PRKCE: variants seen among roughly 807,000 people sequenced by gnomAD.
PRKCE encodes the protein protein kinase C epsilon, also known as protein kinase C epsilon type.
Under a neutral mutation model 85.4 loss-of-function variants are expected in PRKCE, and 16 were observed. The observed-to-expected ratio is 0.19, with a 90% confidence interval of 0.13 to 0.28. The LOEUF (loss-of-function observed/expected upper bound fraction) is 0.28. Ranked by LOEUF, PRKCE falls within the 10% of genes least tolerant of loss-of-function variation. The pLI is 1.00. For synonymous variants in PRKCE, 388 were observed against 371.5 expected, an observed-to-expected ratio of 1.04 and a Z score of -0.51; for missense variants, 573 against 975.2, an observed-to-expected ratio of 0.59 and a Z score of 5.49.
intron 11 of PRKCE, among the ~76,000 whole-genome samples, chr2:46,093,875 A>G (rs769163008): frequency 2.0e-5 from 3 of 152,154 alleles, no homozygotes; most frequent in Admixed American, 6.5e-5. Context: ...TTAAATGAAT[A>G]TATAGTATAC....
intron 1 of PRKCE, among the ~76,000 whole-genome samples, chr2:45,661,684 A>G (rs2103753554): frequency 6.8e-6 from 1 of 147,544 alleles, no homozygotes; most frequent in African/African-American, 2.5e-5. Context: ...GCCCGCCACC[A>G]CGCCCAGCTA....
intron 14 of PRKCE, among the ~76,000 whole-genome samples, chr2:46,163,713 A>C (rs6705420): frequency 0.8 from 102,723 of 127,862 alleles, 40,685 homozygotes; most frequent in East Asian, 0.96. Flanking sequence ...GCACACCCCA[A>C]AGAGGCCACT....
chr2:45,843,348 G>GCCTC (rs1165158894), intron 2 of PRKCE, among the ~76,000 whole-genome samples: 2 of 152,182 alleles, frequency 1.3e-5, no homozygotes, highest in African/African-American at 4.8e-5. Context: ...TGGCAGGGCA[G>GCCTC]CCTCTCCCAG....
intron 2 of PRKCE, among the ~76,000 whole-genome samples, chr2:45,846,642 A>G (rs2105515524): frequency 6.6e-6 from 1 of 152,342 alleles, no homozygotes; most frequent in South Asian, 2.1e-4. Flanking sequence ...TTCTTTCTGC[A>G]GCCACAGGCT....
At chr2:45,714,473 G>A (rs1163558230) in intron 1 of PRKCE, among the ~76,000 whole-genome samples, 1 of 152,218 alleles carries the variant, frequency 6.6e-6, no homozygotes, top group African/African-American at 2.4e-5. Context: ...ATGTGCTCAA[G>A]GTCAAAAAGC....
At chr2:45,891,233 C>T (rs369641671) in intron 2 of PRKCE, among the ~76,000 whole-genome samples, 1 of 152,170 alleles carries the variant, frequency 6.6e-6, no homozygotes, top group South Asian at 2.1e-4. Flanking sequence ...TTGATACGTA[C>T]CATTCTGTTT....
intron 1 of PRKCE, among the ~76,000 whole-genome samples, chr2:45,759,914 C>T (rs1302033583): frequency 6.6e-6 from 1 of 152,148 alleles, no homozygotes; most frequent in African/African-American, 2.4e-5. Flanking sequence ...CTTTGAGTTT[C>T]TAATGTGTAG....
intron 1 of PRKCE, among the ~76,000 whole-genome samples, chr2:45,752,096 C>T (rs1299307561): frequency 6.6e-6 from 1 of 151,958 alleles, no homozygotes; most frequent in Non-Finnish European, 1.5e-5. Flanking sequence ...GGATTACAGG[C>T]GTGAGCCACC....
At chr2:46,099,973 C>T (rs1023549474) in intron 11 of PRKCE, among the ~76,000 whole-genome samples, 1 of 152,156 alleles carries the variant, frequency 6.6e-6, no homozygotes, top group African/African-American at 2.4e-5. Flanking sequence ...GGGACTAGAA[C>T]TCTAATAAAG....
At chr2:45,731,191 A>G (rs923669373) in intron 1 of PRKCE, among the ~76,000 whole-genome samples, 1 of 152,158 alleles carries the variant, frequency 6.6e-6, no homozygotes, top group Non-Finnish European at 1.5e-5. Flanking sequence ...GAAGATGGTT[A>G]TTACAGCTAG....
chr2:45,746,093 G>T (rs1683114940), intron 1 of PRKCE, among the ~76,000 whole-genome samples: 1 of 152,176 alleles, frequency 6.6e-6, no homozygotes, highest in South Asian at 2.1e-4. Context: ...TGCTTTCCGA[G>T]ATGTTCCTTC....
chr2:46,056,899 T>G (rs1666632471), intron 10 of PRKCE, among the ~76,000 whole-genome samples: 2 of 152,236 alleles, frequency 1.3e-5, no homozygotes, highest in Admixed American at 1.3e-4. Context: ...TGGACCTGTT[T>G]GGATCACTAT....
intron 10 of PRKCE, among the ~76,000 whole-genome samples, chr2:46,075,346 T>G (rs976920301): frequency 1.3e-5 from 2 of 150,618 alleles, no homozygotes; most frequent in African/African-American, 4.9e-5. Context: ...CGCTCAAAAA[T>G]CTTATAAGAA....
rs2103650635 is a variant in PRKCE at position 45,895,418 on chromosome 2, C to G, written c.412+52355C>G. Among the ~76,000 whole-genome samples the G allele has an allele frequency of 6.6e-6, 1 of 152,272 alleles. No homozygotes were observed. The highest frequency in any genetic ancestry group is 1.9e-4 in the East Asian group (1 of 5,162). ...AATGAGGGGAGGCCTAACTGCCTCT[C>G]CGCACCCTGATGTCATCTGGCTGGT... On this transcript the variant is annotated intron_variant, in intron 2 of 14. Coordinates refer to ENST00000306156, the MANE Select transcript of PRKCE (RefSeq NM_005400.3). This position sits in a 1 kb window ranked among gnomAD's most constrained non-coding sequence, Gnocchi z 4.8.
At chr2:46,115,342 A>G (rs1195843895) in intron 11 of PRKCE, among the ~76,000 whole-genome samples, 1 of 152,246 alleles carries the variant, frequency 6.6e-6, no homozygotes, top group Non-Finnish European at 1.5e-5. Context: ...TGCTATTGGC[A>G]GGAGTCTAAA....
chr2:45,809,858 C>G lies in PRKCE; in HGVS notation c.349-33142C>G, dbSNP rs370390620. ...TCGCACTATTGCACTCCAGCCTGGGCAACAAGAGTGAGACTCCATCTCAAA... is the reference window on the plus strand; with the variant it reads ...TCGCACTATTGCACTCCAGCCTGGGGAACAAGAGTGAGACTCCATCTCAAA... On this transcript the variant is annotated intron_variant, in intron 1 of 14. Coordinates refer to ENST00000306156, the MANE Select transcript of PRKCE (RefSeq NM_005400.3). 5.5e-5 allele frequency among the ~76,000 whole-genome samples: 8 copies of G among 146,248 alleles called. No homozygotes were observed. The East Asian group carries it at 1.4e-3, about 26-fold the overall frequency.
chr2:45,761,522 A>C (rs1347759121), intron 1 of PRKCE, among the ~76,000 whole-genome samples: 1 of 152,128 alleles, frequency 6.6e-6, no homozygotes, highest in Admixed American at 6.5e-5. Context: ...CCATTTTATC[A>C]GAAAGAACGG....
intron 11 of PRKCE, among the ~76,000 whole-genome samples, chr2:46,108,291 C>T (rs1199795248): frequency 6.6e-6 from 1 of 152,136 alleles, no homozygotes; most frequent in Non-Finnish European, 1.5e-5. Context: ...ATATTTTCTC[C>T]CAGTCTGTGG....
At chr2:45,979,388 C>T (rs1369600623) in intron 4 of PRKCE, among the ~76,000 whole-genome samples, 3 of 152,194 alleles carry the variant, frequency 2.0e-5, no homozygotes, top group African/African-American at 7.2e-5. Context: ...CTGTCTCCCT[C>T]CCTGAAGAAG....
Sources: gnomAD v4.1 joint callset for allele counts (sites outside exome capture counted in the v4.1 genomes callset) on GRCh38, gnomAD v4.1.1 for gene constraint, Gnocchi (gnomAD v3.1) non-coding constraint, MANE v1.5 for transcripts, NCBI Gene and HGNC (gene_info 2026-07-23, HGNC 2026-07-21) for gene names.